ISM1: variants seen among roughly 807,000 people sequenced by gnomAD.
ISM1 encodes isthmin-1.
In ISM1, 25 loss-of-function variants were observed where a neutral mutation model predicts 46.3. That is an observed-to-expected ratio of 0.54 (90% CI 0.39 to 0.75). The LOEUF (loss-of-function observed/expected upper bound fraction) is 0.75. Ranked by LOEUF, ISM1 falls within the 30% of genes least tolerant of loss-of-function variation. ISM1 has a pLI of 0.00. For missense variants in ISM1, 536 were observed against 625.4 expected, an observed-to-expected ratio of 0.86 and a Z score of 1.52; for synonymous variants, 255 against 256.7, an observed-to-expected ratio of 0.99 and a Z score of 0.06.
chr20:13,292,460 G>T lies in ISM1; in HGVS notation c.874G>T (p.Val292Phe), dbSNP rs377251735. The T allele has an allele frequency of 1.4e-5, 22 of 1,586,510 alleles. No homozygotes were observed. The highest frequency in any genetic ancestry group is 1.6e-5 in the Non-Finnish European group (19 of 1,164,384). Reference protein sequence around the residue: ...EEFNATKLFEVDTDSCERWMS... With the variant: ...EEFNATKLFEFDTDSCERWMS... ...GTTTAATGCCACCAAACTGTTTGAA[G>T]TTGGTAAGATTTTTTTCTTTTTTAA... is the stretch of plus-strand genomic sequence containing the variant. The change falls in exon 5 of 6, where the codon GTT becomes TTT. Residue 292 changes from valine to phenylalanine, a missense_variant. Transcript: ENST00000262487.
At chr20:13,296,589 T>G (rs2123331772) in intron 5 of ISM1, among the ~76,000 whole-genome samples, 1 of 152,110 alleles carries the variant, frequency 6.6e-6, no homozygotes, top group Non-Finnish European at 1.5e-5. Context: ...GATAGTAGAT[T>G]GGAGAATGCT....
At chr20:13,310,172 A>C in the ISM1 span, among the ~76,000 whole-genome samples, 1 of 152,224 alleles carries the variant, frequency 6.6e-6, no homozygotes, top group Non-Finnish European at 1.5e-5. Context: ...GAAGTATAAC[A>C]CTATATGTCA....
chr20:13,324,203 C>T, the ISM1 span, among the ~76,000 whole-genome samples: 1 of 152,200 alleles, frequency 6.6e-6, no homozygotes, highest in South Asian at 2.1e-4. Flanking sequence ...TGGCTGTTTA[C>T]AAAGCATGTC....
chr20:13,306,076 A>G, the ISM1 span, among the ~76,000 whole-genome samples: 1 of 132,114 alleles, frequency 7.6e-6, no homozygotes, highest in African/African-American at 3.0e-5. Flanking sequence ...TTGCCCTCAA[A>G]ATGAAAAAAA....
At chr20:13,230,757 A>G (rs1226352385) in intron 1 of ISM1, among the ~76,000 whole-genome samples, 2 of 151,250 alleles carry the variant, frequency 1.3e-5, no homozygotes, top group Non-Finnish European at 2.9e-5. Context: ...AAAAAAAAAG[A>G]AAAGAAAAGA....
chr20:13,259,681 G>T (rs923188483), intron 1 of ISM1, among the ~76,000 whole-genome samples: 2 of 152,170 alleles, frequency 1.3e-5, no homozygotes, highest in Non-Finnish European at 2.9e-5. Flanking sequence ...CTGAGTTATT[G>T]TTTCTACTAG....
rs758884738 is a variant in ISM1 at position 13,271,904 on chromosome 20, G to A, written c.378+1161G>A. On this transcript the variant is annotated intron_variant, in intron 2 of 5. Transcript: ENST00000262487. ...AGCGATCCTCCCACCTCAGCCTCCCGAGTAGCTGGAACTTCAAGTGTGTGC... is the reference window on the plus strand; with the variant it reads ...AGCGATCCTCCCACCTCAGCCTCCCAAGTAGCTGGAACTTCAAGTGTGTGC... Among the ~76,000 whole-genome samples, 19 of 151,840 alleles carry A rather than the reference G, an allele frequency of 1.3e-4. 1 individual carries two copies. In the South Asian group the frequency reaches 2.3e-3, roughly 18 times the overall value.
intron 3 of ISM1, among the ~76,000 whole-genome samples, chr20:13,287,815 G>A (rs546448895): frequency 4.6e-5 from 7 of 152,264 alleles, no homozygotes; most frequent in Admixed American, 6.5e-5. Context: ...ATTGCTACAC[G>A]TAACAAAATA....
intron 1 of ISM1, among the ~76,000 whole-genome samples, chr20:13,230,755 A>G (rs1235283820): frequency 6.6e-6 from 1 of 151,422 alleles, no homozygotes; most frequent in Non-Finnish European, 1.5e-5. Flanking sequence ...AGAAAAAAAA[A>G]GAAAAGAAAA....
chr20:13,311,243 TGATAGATAGATAGATAGATA>T, the ISM1 span, among the ~76,000 whole-genome samples: 1 of 127,860 alleles, frequency 7.8e-6, no homozygotes, highest in African/African-American at 3.0e-5. Context: ...GATAGATAGA[TGATAGATAGATAGATAGATA>T]GATAGATAGA....
intron 3 of ISM1, among the ~76,000 whole-genome samples, chr20:13,283,802 C>A (rs2040263048): frequency 6.6e-6 from 1 of 152,208 alleles, no homozygotes; most frequent in Non-Finnish European, 1.5e-5. Flanking sequence ...GGTTAGGACC[C>A]AGTTGAAATT....
chr20:13,246,573 C>T (rs560529041), intron 1 of ISM1, among the ~76,000 whole-genome samples: 3 of 152,262 alleles, frequency 2.0e-5, no homozygotes, highest in South Asian at 2.1e-4. Flanking sequence ...AAAATGCCTT[C>T]ACCACATTTA....
Position 13,270,544 on chromosome 20 carries a change from G to T in ISM1, c.179G>T (p.Ser60Ile). ...GGAAGTGACACCACATCAGAAACCA[G>T]CTTTTCTCTCTCCAAAGAAGCACCA... The part of the protein sequence containing the change: ...NVGSDTTSET[S>I]FSLSKEAPRE... The change falls in exon 2 of 6, where the codon AGC (serine) becomes ATC (isoleucine). Residue 60 changes from serine (S) to isoleucine (I), a missense_variant. By Grantham distance (142) the Ser-to-Ile change is moderately radical. Around this residue, in one of 2 missense-constraint regions of ISM1, gnomAD observed 367 missense variants for 376.1 expected, o/e 0.98. Transcript: ENST00000262487. The T allele has an allele frequency of 6.8e-6, 11 of 1,613,806 alleles. No individual in the cohort carries two copies. The highest frequency in any genetic ancestry group is 8.5e-6 in the Non-Finnish European group (10 of 1,179,796).
chr20:13,268,936 A>C (rs865809009), intron 1 of ISM1, among the ~76,000 whole-genome samples: 1 of 152,284 alleles, frequency 6.6e-6, no homozygotes, highest in Non-Finnish European at 1.5e-5. Flanking sequence ...CATAAATAAA[A>C]GTAAAAATAA....
intron 1 of ISM1, among the ~76,000 whole-genome samples, chr20:13,227,911 T>G (rs1231300852): frequency 2.0e-5 from 3 of 152,210 alleles, no homozygotes; most frequent in East Asian, 3.9e-4. Context: ...AATAATTATT[T>G]AGACTTAATT....
chr20:13,289,034 C>T lies in ISM1; in HGVS notation c.787+351C>T, dbSNP rs548585895. Among the ~76,000 whole-genome samples, 350 of 152,292 alleles carry T rather than the reference C, an allele frequency of 2.3e-3. 2 individuals carry two copies. Among genetic ancestry groups the T allele is most frequent in the African/African-American group, 8.2e-3 (340 of 41,562 alleles). ...AATTCCTGACCTTGTGATCCGCCCG[C>T]CTCAGCCTCCCAAGGTGCTGGGATT... On this transcript the variant is annotated intron_variant, in intron 4 of 5. Coordinates refer to ENST00000262487, the MANE Select transcript of ISM1 (RefSeq NM_080826.2).
the ISM1 span, among the ~76,000 whole-genome samples, chr20:13,310,831 C>G: frequency 6.6e-6 from 1 of 152,158 alleles, no homozygotes; most frequent in African/African-American, 2.4e-5. Context: ...ATGTCACTAA[C>G]CGCAGGAAAA....
At chr20:13,249,880 C>T (rs1475222575) in intron 1 of ISM1, among the ~76,000 whole-genome samples, 2 of 152,022 alleles carry the variant, frequency 1.3e-5, no homozygotes, top group Non-Finnish European at 2.9e-5. Flanking sequence ...CTCCTTTCTG[C>T]ACTCTCTTTT....
chr20:13,299,482 A>G lies in ISM1; in HGVS notation c.*23A>G, dbSNP rs369889534. ...TAAAGAGACTGGGATGAGGTGGAGG[A>G]CGCTGCCTCTGGTTCTGGAGCACAC... On this transcript the variant is annotated 3_prime_UTR_variant, in exon 6 of 6. Coordinates refer to ENST00000262487, the MANE Select transcript of ISM1 (RefSeq NM_080826.2). This position sits in a 1 kb window ranked among gnomAD's most constrained non-coding sequence, Gnocchi z 5.8. The G allele has an allele frequency of 3.8e-6, 6 of 1,574,616 alleles. No individual in the cohort carries two copies. In the Admixed American group the frequency reaches 1.0e-4, roughly 27 times the overall value.
Sources: gnomAD v4.1 joint callset for allele counts (sites outside exome capture counted in the v4.1 genomes callset) on GRCh38, gnomAD v4.1.1 for gene constraint, gnomAD v4.1.1 regional missense constraint, Gnocchi (gnomAD v3.1) non-coding constraint, MANE v1.5 for transcripts, NCBI Gene and HGNC (gene_info 2026-07-23, HGNC 2026-07-21) for gene names.